The following ERICH1 variants were observed in gnomAD, a reference collection of about 807,000 sequenced individuals.
ERICH1 encodes glutamate-rich protein 1.
Under a neutral mutation model 39.6 loss-of-function variants are expected in ERICH1, and 56 were observed. The observed-to-expected ratio is 1.41, with a 90% confidence interval of 1.14 to 1.77. The LOEUF (loss-of-function observed/expected upper bound fraction) is 1.77, where lower values mean the gene tolerates loss of function less well. Ranked by LOEUF, ERICH1 falls within the 40% of genes most tolerant of loss-of-function variation. The probability of loss-of-function intolerance (pLI) is 0.00; values close to 1 mark genes in which losing one functional copy is unlikely to be tolerated. For missense variants in ERICH1, 826 were observed against 575.4 expected (o/e 1.44, Z -4.45); for synonymous variants, 313 against 223.6 (o/e 1.40, Z -3.57).
chr8:685,185 T>C (rs1807027610), intron 3 of ERICH1, among the ~76,000 whole-genome samples: 1 of 152,146 alleles, frequency 6.6e-6, no homozygotes. Context: ...GAATGCATTC[T>C]TTTTCCAGGG....
chr8:688,666 G>A (rs921359178), intron 3 of ERICH1, among the ~76,000 whole-genome samples: 20 of 152,190 alleles, frequency 1.3e-4, no homozygotes, highest in Admixed American at 1.3e-4. Context: ...AAGAATCTAA[G>A]AAGAATGAGT....
intron 1 of ERICH1, chr8:725,443 A>G (rs1488063557): frequency 1.3e-5 from 2 of 152,596 alleles, no homozygotes; most frequent in Non-Finnish European, 2.9e-5. Flanking sequence ...GCAGCCCAGC[A>G]GGACTGACCT....
chr8:616,375 C>A (rs17739184), intron 3 of ERICH1: 1 of 353,544 alleles, frequency 2.8e-6, no homozygotes, highest in Admixed American at 3.4e-5. Flanking sequence ...TGTGGGCGGC[C>A]GCCGTCCAGA....
chr8:651,544 C>A (rs1376144963), intron 3 of ERICH1, among the ~76,000 whole-genome samples: 1 of 152,064 alleles, frequency 6.6e-6, no homozygotes, highest in Non-Finnish European at 1.5e-5. Context: ...CAAAGAAGAA[C>A]CTGGGAGTCC....
chr8:715,143 G>T (rs1286826774), intron 2 of ERICH1, among the ~76,000 whole-genome samples: 1 of 152,120 alleles, frequency 6.6e-6, no homozygotes, highest in Non-Finnish European at 1.5e-5. Context: ...CTCTCAGTGG[G>T]ATGTGCTGCA....
chr8:695,309 C>G (rs1015797145), intron 2 of ERICH1, among the ~76,000 whole-genome samples: 8 of 152,174 alleles, frequency 5.3e-5, no homozygotes, highest in Admixed American at 3.9e-4. Flanking sequence ...CTCCCTCTCC[C>G]CACAGCCCTT....
chr8:618,293 C>T (rs1241572438), intron 3 of ERICH1, among the ~76,000 whole-genome samples: 1 of 152,060 alleles, frequency 6.6e-6, no homozygotes, highest in Non-Finnish European at 1.5e-5. Flanking sequence ...GGTCCATCCT[C>T]ACCACCCTCT....
chr8:679,081 C>T (rs1175818613), intron 3 of ERICH1, among the ~76,000 whole-genome samples: 1 of 150,132 alleles, frequency 6.7e-6, no homozygotes, highest in African/African-American at 2.5e-5. Flanking sequence ...CCCCTTACAG[C>T]AGTGACCCCT....
chr8:615,322 C>A (rs1796853451), intron 3 of ERICH1: 2 of 639,400 alleles, frequency 3.1e-6, no homozygotes, highest in Admixed American at 2.8e-5. Context: ...TTGTGTTCAT[C>A]ATTTTAATAC....
chr8:661,927 C>G (rs534198633), downstream of ERICH1, among the ~76,000 whole-genome samples: 1 of 152,250 alleles, frequency 6.6e-6, no homozygotes, highest in Non-Finnish European at 1.5e-5. Context: ...ACCCACCACC[C>G]CCCGCAGTGG....
At position 715,768 on chromosome 8, in the gene ERICH1, C is replaced by T. The variant is rs141084142; in HGVS notation, c.169+93G>A. Reference sequence around the variant, plus strand: ...CTCTGCAGACCTGCAGACAGATGCCCGAGGCCCAAAAGACACATTCTCCAA... The same window carrying T: ...CTCTGCAGACCTGCAGACAGATGCCTGAGGCCCAAAAGACACATTCTCCAA... On this transcript the variant is annotated intron_variant, in intron 2 of 5. Coordinates refer to ENST00000262109, the MANE Select transcript of ERICH1 (RefSeq NM_207332.3). The T allele has an allele frequency of 4.4e-4, 667 of 1,507,764 alleles. 2 individuals carry two copies. In the African/African-American group the frequency reaches 8.0e-3, roughly 18 times the overall value. 93.4% of individuals were successfully genotyped at this position (1,507,764 alleles called of 1,614,324 possible).
At chr8:685,214 C>T (rs1368644119) in intron 3 of ERICH1, among the ~76,000 whole-genome samples, 1 of 152,100 alleles carries the variant, frequency 6.6e-6, no homozygotes, top group Non-Finnish European at 1.5e-5. Context: ...TATTAATATT[C>T]CTTACTGGGG....
In ERICH1 at chr8:685,689, G is replaced by A. The variant is rs780553741; in HGVS notation, c.304+6789C>T. On this transcript the variant is annotated intron_variant, in intron 3 of 5. Coordinates refer to ENST00000262109, the MANE Select transcript of ERICH1 (RefSeq NM_207332.3). ...TGTCACGCCTTCAGCCGGTCCCTCCGTTCGGGGTCCCTGACTTCCTGCAAT... is the reference window on the plus strand; with the variant it reads ...TGTCACGCCTTCAGCCGGTCCCTCCATTCGGGGTCCCTGACTTCCTGCAAT... Among the ~76,000 whole-genome samples the A allele has an allele frequency of 3.2e-4, 48 of 152,132 alleles. 1 individual carries two copies. Among genetic ancestry groups the A allele is most frequent in the African/African-American group, 1.0e-3 (42 of 41,400 alleles).
At chr8:726,927 A>G (rs1818874071) in intron 1 of ERICH1, among the ~76,000 whole-genome samples, 1 of 149,874 alleles carries the variant, frequency 6.7e-6, no homozygotes, top group African/African-American at 2.5e-5. Context: ...GACCACATGC[A>G]AAACACACAT....
intron 3 of ERICH1, among the ~76,000 whole-genome samples, chr8:634,047 C>T (rs1234698041): frequency 6.6e-6 from 1 of 151,726 alleles, no homozygotes; most frequent in Non-Finnish European, 1.5e-5. Context: ...GAAACAAAAA[C>T]ATTTCGTCCA....
intron 1 of ERICH1, among the ~76,000 whole-genome samples, chr8:721,730 C>T (rs111349745): frequency 3.3e-5 from 5 of 152,312 alleles, no homozygotes; most frequent in African/African-American, 1.2e-4. Context: ...AGCTCTACTT[C>T]GCGACTAATA....
chr8:629,326 G>C (rs1278472853), intron 3 of ERICH1, among the ~76,000 whole-genome samples: 1 of 151,682 alleles, frequency 6.6e-6, no homozygotes, highest in Non-Finnish European at 1.5e-5. Flanking sequence ...CACAGAGACA[G>C]AGCTGACTCA....
chr8:682,548 C>T (rs550590138), intron 3 of ERICH1, among the ~76,000 whole-genome samples: 1 of 152,216 alleles, frequency 6.6e-6, no homozygotes, highest in Non-Finnish European at 1.5e-5. Context: ...GGGAGGTCTA[C>T]GCCCTTCACA....
intron 3 of ERICH1, among the ~76,000 whole-genome samples, chr8:618,810 G>A (rs1021091813): frequency 6.6e-6 from 1 of 152,124 alleles, no homozygotes; most frequent in Admixed American, 6.5e-5. Flanking sequence ...AGCGCCACTT[G>A]AGACAAGGTC....
Sources: allele counts gnomAD v4.1 joint callset (sites outside exome capture counted in the v4.1 genomes callset), GRCh38; gene constraint gnomAD v4.1.1; transcripts MANE v1.5; gene names NCBI Gene and HGNC (gene_info 2026-07-23, HGNC 2026-07-21).